Variants in MFSD11 observed in about 807,000 individuals in gnomAD.
The protein encoded by MFSD11 is major facilitator superfamily domain containing 11.
A neutral mutation model predicts 53.5 loss-of-function variants in MFSD11; 36 were observed. The observed-to-expected ratio is 0.67, with a 90% CI of 0.52 to 0.89. The LOEUF is 0.89. Ranked by LOEUF, MFSD11 falls within the 40% of genes least tolerant of loss-of-function variation. The probability of loss-of-function intolerance (pLI) is 0.00; values close to 1 mark genes in which losing one functional copy is unlikely to be tolerated. For synonymous variants in MFSD11, 186 were observed against 184.9 expected, an observed-to-expected ratio of 1.01 and a Z score of -0.05; for missense variants, 530 against 543.9, an observed-to-expected ratio of 0.97 and a Z score of 0.25.
intron 8 of MFSD11, among the ~76,000 whole-genome samples, chr17:76,755,472 GTGGCCCTTA>G (rs923829305): frequency 2.0e-5 from 3 of 151,980 alleles, no homozygotes; most frequent in African/African-American, 4.8e-5. Context: ...TTAATGACAT[GTGGCCCTTA>G]TGGCCCTTGA....
At chr17:76,767,270 A>T in intron 8 of MFSD11, 116 bp from the exon 9 acceptor site, 1 of 635,732 alleles carries the variant, frequency 1.6e-6, no homozygotes, top group African/African-American at 1.8e-5. Flanking sequence ...GTTATATCCC[A>T]AAGTGTTCGT....
intron 8 of MFSD11, among the ~76,000 whole-genome samples, chr17:76,760,379 A>G (rs779686433): frequency 3.3e-5 from 5 of 151,762 alleles, no homozygotes; most frequent in Non-Finnish European, 7.4e-5. Flanking sequence ...TCACATTGAG[A>G]AGGAGGAGGA....
the MFSD11 span, among the ~76,000 whole-genome samples, chr17:76,787,190 C>A: frequency 1.4e-5 from 2 of 142,782 alleles, no homozygotes; most frequent in African/African-American, 5.3e-5. Flanking sequence ...GGCTGGAGTG[C>A]GGTGGTGTGA....
Position 76,776,383 on chromosome 17 carries a change from A to C in MFSD11, c.1050-23A>C. Reference sequence around the variant, plus strand: ...GGCTCTAGCAGATATTGCTCATACTAAATTGATTTTTATTTTCTTCAGCAA... The same window carrying C: ...GGCTCTAGCAGATATTGCTCATACTCAATTGATTTTTATTTTCTTCAGCAA... On this transcript the variant is annotated intron_variant, in intron 11 of 12. Transcript: ENST00000685175. The surrounding 1 kb of genome is among the most constrained non-coding windows in gnomAD (Gnocchi z 4.2). 2 of 1,610,752 alleles carry C rather than the reference A, an allele frequency of 1.2e-6. No individual in the cohort carries two copies. The highest frequency in any genetic ancestry group is 1.7e-6 in the Non-Finnish European group (2 of 1,178,966).
chr17:76,737,397 G>C (rs1231379696), upstream of MFSD11: 1 of 503,270 alleles, frequency 2.0e-6, no homozygotes, highest in African/African-American at 1.9e-5. Context: ...GCGCCACCCG[G>C]AAATGAAACC....
chr17:76,782,063 C>G (rs963606351), downstream of MFSD11, among the ~76,000 whole-genome samples: 13 of 151,522 alleles, frequency 8.6e-5, no homozygotes, highest in African/African-American at 2.9e-4. Context: ...TCCAGTGATC[C>G]TCCTGCCTCG....
intron 8 of MFSD11, among the ~76,000 whole-genome samples, chr17:76,760,732 T>C (rs933361151): frequency 5.3e-5 from 8 of 152,060 alleles, no homozygotes; most frequent in Middle Eastern, 3.2e-3. Flanking sequence ...GGTTTTGTTA[T>C]GTTGGCCAGG....
In MFSD11 at chr17:76,738,372, A is replaced by C; in HGVS notation, c.20A>C (p.Lys7Thr). 1 of 1,614,140 alleles carries C rather than the reference A, an allele frequency of 6.2e-7. No homozygotes were observed. Among genetic ancestry groups the C allele is most frequent in the Non-Finnish European group, 8.5e-7 (1 of 1,179,952 alleles). The change falls in exon 1 of 13, where the codon AAG becomes ACG. Residue 7 changes from lysine (K) to threonine (T), a missense_variant. Lys to Thr is a moderately conservative substitution (Grantham distance 78). Transcript: ENST00000685175. ...GCCAAAATGTCCCCGGAATCTAAAA[A>C]GCTTTTCAACATCATTATTTTAGGA... Reference protein sequence around the residue: MSPESKKLFNIIILGVA... With the variant: MSPESKTLFNIIILGVA...
At chr17:76,793,280 C>T in the MFSD11 span, among the ~76,000 whole-genome samples, 1 of 151,430 alleles carries the variant, frequency 6.6e-6, no homozygotes, top group South Asian at 2.1e-4. Flanking sequence ...AGAAGATGGC[C>T]ACACCCAAGG....
chr17:76,777,247 C>T (rs1343077331), intron 12 of MFSD11, among the ~76,000 whole-genome samples: 5 of 145,976 alleles, frequency 3.4e-5, no homozygotes, highest in African/African-American at 1.3e-4. Flanking sequence ...CAGCCTGGGC[C>T]ACAGAGCGAG....
At chr17:76,738,033 T>C (rs1275878150), upstream of MFSD11, 2 of 373,512 alleles carry the variant, frequency 5.4e-6, no homozygotes, top group African/African-American at 2.1e-5. Context: ...CCGCGCCGGC[T>C]GCTGCGGCTG....
At chr17:76,745,193 C>T (rs1049910781) in intron 7 of MFSD11, among the ~76,000 whole-genome samples, 2 of 152,168 alleles carry the variant, frequency 1.3e-5, no homozygotes, top group Non-Finnish European at 2.9e-5. Context: ...TGCCTTATAG[C>T]ATTTTATATA....
chr17:76,743,827 C>T (rs946232438), intron 6 of MFSD11, among the ~76,000 whole-genome samples: 1 of 152,118 alleles, frequency 6.6e-6, no homozygotes, highest in Non-Finnish European at 1.5e-5. Context: ...GTTGTTCAGG[C>T]TGGTCTCAAA....
At chr17:76,772,662 C>G (rs2081473029) in intron 10 of MFSD11, among the ~76,000 whole-genome samples, 1 of 151,718 alleles carries the variant, frequency 6.6e-6, no homozygotes, top group Admixed American at 6.6e-5. Context: ...GGACTACAGG[C>G]AACCGCTACC....
At position 76,738,998 on chromosome 17, in the gene MFSD11, TGTAC is replaced by T; in HGVS notation, c.152+6_152+9del. 1 of 1,610,472 alleles carries T rather than the reference TGTAC, an allele frequency of 6.2e-7. No individual in the cohort carries two copies. Among genetic ancestry groups the T allele is most frequent in the Non-Finnish European group, 8.5e-7 (1 of 1,176,722 alleles). On this transcript the variant is annotated splice_donor_region_variant and intron_variant, in intron 2 of 12. Coordinates refer to ENST00000685175, the MANE Select transcript of MFSD11 (RefSeq NM_001242532.5). ...TCACGGCAGTGGATATACCAGGTAT[TGTAC>T]CGTATGATTGATTTTGCTTTATATT... is the stretch of plus-strand genomic sequence containing the variant.
chr17:76,742,718 C>T (rs1487551520), intron 5 of MFSD11, among the ~76,000 whole-genome samples: 1 of 152,098 alleles, frequency 6.6e-6, no homozygotes, highest in East Asian at 1.9e-4. Context: ...GTTGGCCAGG[C>T]TGGTCTCGAA....
intron 7 of MFSD11, among the ~76,000 whole-genome samples, 180 bp from the exon 8 acceptor site, chr17:76,753,867 C>T (rs1261146002): frequency 6.6e-6 from 1 of 151,928 alleles, no homozygotes; most frequent in East Asian, 1.9e-4. Context: ...CTTTAAAAAC[C>T]TGAAGCGAGG....
At chr17:76,802,645 G>A in the MFSD11 span, among the ~76,000 whole-genome samples, 6 of 152,086 alleles carry the variant, frequency 3.9e-5, no homozygotes, top group African/African-American at 7.2e-5. Flanking sequence ...TCGGGAGGCC[G>A]AGGCAGGCAA....
intron 10 of MFSD11, among the ~76,000 whole-genome samples, chr17:76,770,521 A>G (rs1181263365): frequency 6.6e-6 from 1 of 152,098 alleles, no homozygotes; most frequent in South Asian, 2.1e-4. Flanking sequence ...CAACAGCTCA[A>G]TCCTGTTCTA....
Sources: gnomAD v4.1 joint callset for allele counts (sites outside exome capture counted in the v4.1 genomes callset) on GRCh38, gnomAD v4.1.1 for gene constraint, Gnocchi (gnomAD v3.1) non-coding constraint, MANE v1.5 for transcripts, NCBI Gene and HGNC (gene_info 2026-07-23, HGNC 2026-07-21) for gene names.